KIAA1549L: variants seen among roughly 807,000 people sequenced by gnomAD.
KIAA1549L encodes UPF0606 protein KIAA1549L.
Under a neutral mutation model 160.7 loss-of-function variants are expected in KIAA1549L, and 88 were observed. That is an observed-to-expected ratio of 0.55 (90% CI 0.46 to 0.65). KIAA1549L has a LOEUF of 0.65. KIAA1549L is among the 30% of genes least tolerant of loss of function. The pLI, the probability that KIAA1549L is intolerant of heterozygous loss-of-function variation, is 0.00. For missense variants in KIAA1549L, 2,258 were observed against 2,437.5 expected (o/e 0.93, Z 1.55); for synonymous variants, 950 against 976.7 (o/e 0.97, Z 0.51).
rs145314970 is a variant in KIAA1549L, at chr11:33,518,539, T to C, written c.239-23263T>C. On this transcript the variant is annotated intron_variant, in intron 1 of 20. Coordinates refer to ENST00000658780, the MANE Select transcript of KIAA1549L (RefSeq NM_012194.3). Reference sequence around the variant, plus strand: ...ACTTTGTGTTCATCTGTTCTTTTAATTGCTTTTCAAGGAAAGTTGGCTCTG... The same window carrying C: ...ACTTTGTGTTCATCTGTTCTTTTAACTGCTTTTCAAGGAAAGTTGGCTCTG... 1.6e-3 allele frequency among the ~76,000 whole-genome samples: 240 copies of C among 152,340 alleles called. 1 individual carries two copies. Among genetic ancestry groups the C allele is most frequent in the African/African-American group, 5.4e-3 (224 of 41,590 alleles).
intron 1 of KIAA1549L, among the ~76,000 whole-genome samples, chr11:33,504,444 C>A (rs897492759): frequency 1.9e-4 from 29 of 151,860 alleles, no homozygotes; most frequent in East Asian, 1.5e-3. Flanking sequence ...CCCTTCCCTT[C>A]CCTTCCCTTC....
rs114187582 is a variant in KIAA1549L, at chr11:33,574,348, A to G, written c.4231-354A>G. ...TGGCAATTACAGACATTTGAATTTA[A>G]CAGTCGTGTTTGAGAATAACCTAAC... On this transcript the variant is annotated intron_variant, in intron 9 of 20. Transcript: ENST00000658780. Among the ~76,000 whole-genome samples the G allele has an allele frequency of 1.3e-3, 192 of 152,330 alleles. 2 individuals are homozygous for G. Among genetic ancestry groups the G allele is most frequent in the African/African-American group, 4.5e-3 (186 of 41,582 alleles).
At position 33,670,118 on chromosome 11, in the gene KIAA1549L, C is replaced by T. The variant is rs1852622361; in HGVS notation, c.*1964C>T. 6.6e-6 allele frequency: 1 copy of T among 152,198 alleles called. No individual in the cohort carries two copies. The highest frequency in any genetic ancestry group is 1.5e-5 in the Non-Finnish European group (1 of 68,046). 9.4% of individuals were successfully genotyped at this position (152,198 alleles called of 1,614,324 possible). A position where few individuals can be genotyped will look rare whatever the true frequency, so the allele number is the denominator to read the frequency against. ...GAATGAACAAAGAGCCAAAGAAACT[C>T]AGCCTGTTCATGCAAATGGTATGAG... On this transcript the variant is annotated 3_prime_UTR_variant, in exon 21 of 21. Transcript: ENST00000658780.
At chr11:33,578,903 T>C (rs936272237) in intron 10 of KIAA1549L, among the ~76,000 whole-genome samples, 2 of 152,206 alleles carry the variant, frequency 1.3e-5, no homozygotes, top group Admixed American at 6.5e-5. Context: ...TAAAAGCAAG[T>C]GCCGCATCTC....
At chr11:33,419,121 C>G (rs1466823649) in intron 1 of KIAA1549L, among the ~76,000 whole-genome samples, 2 of 152,172 alleles carry the variant, frequency 1.3e-5, no homozygotes, top group Non-Finnish European at 2.9e-5. Flanking sequence ...AATTCACCTG[C>G]CTCAGCTTCC....
chr11:33,515,226 CT>C (rs1209454035), intron 1 of KIAA1549L, among the ~76,000 whole-genome samples: 1 of 152,192 alleles, frequency 6.6e-6, no homozygotes. Context: ...ATATCTCTTT[CT>C]CTTCTTAAGA....
intron 9 of KIAA1549L, among the ~76,000 whole-genome samples, chr11:33,572,951 A>AGT (rs1355957526): frequency 6.6e-6 from 1 of 152,146 alleles, no homozygotes; most frequent in Non-Finnish European, 1.5e-5. Context: ...CTTCCTCATC[A>AGT]ACACTTGGTG....
At chr11:33,431,664 G>C (rs1167488097) in intron 1 of KIAA1549L, among the ~76,000 whole-genome samples, 1 of 152,210 alleles carries the variant, frequency 6.6e-6, no homozygotes, top group East Asian at 1.9e-4. Flanking sequence ...CCAGACTCAG[G>C]AGCCCAGCTG....
At chr11:33,599,325 C>G (rs539708497) in intron 13 of KIAA1549L, 1 of 156,244 alleles carries the variant, frequency 6.4e-6, no homozygotes, top group African/African-American at 2.4e-5. Context: ...TCCACTAAGG[C>G]AGCAGATCTC....
chr11:33,638,703 A>G (rs1306003264), intron 16 of KIAA1549L, among the ~76,000 whole-genome samples: 1 of 152,220 alleles, frequency 6.6e-6, no homozygotes, highest in Non-Finnish European at 1.5e-5. Flanking sequence ...TATATGTTTA[A>G]GAAATTGTAG....
intron 13 of KIAA1549L, among the ~76,000 whole-genome samples, chr11:33,600,016 A>G (rs1225574240): frequency 6.6e-6 from 1 of 152,146 alleles, no homozygotes; most frequent in Non-Finnish European, 1.5e-5. Context: ...TTCCGACTGA[A>G]AACGGTAAGA....
chr11:33,413,557 G>C (rs1290508619), intron 1 of KIAA1549L, among the ~76,000 whole-genome samples: 2 of 151,844 alleles, frequency 1.3e-5, no homozygotes, highest in African/African-American at 4.8e-5. Context: ...ACAATCCTAA[G>C]TTAGGATTGT....
Position 33,668,003 on chromosome 11 carries a change from C to T in KIAA1549L, c.6290C>T (p.Ser2097Phe). The change falls in exon 21 of 21, where the codon TCC (serine) becomes TTC (phenylalanine). Residue 2097 changes from serine to phenylalanine, a missense_variant. By Grantham distance (155) the Ser-to-Phe change is radical (BLOSUM62 -2). Around this residue, in one of 6 missense-constraint regions of KIAA1549L, gnomAD observed 1,359 missense variants for 1,546.6 expected, o/e 0.88. Coordinates refer to ENST00000658780, the MANE Select transcript of KIAA1549L (RefSeq NM_012194.3). ...HPSLEQAPAP[S>F]TAASQQSLAE... ...AGCCTGGAGCAGGCCCCGGCGCCCT[C>T]CACAGCGGCCTCGCAGCAGAGCCTG... 1 of 1,613,982 alleles carries T rather than the reference C, an allele frequency of 6.2e-7. No individual in the cohort carries two copies. The highest frequency in any genetic ancestry group is 2.2e-5 in the East Asian group (1 of 44,884).
intron 1 of KIAA1549L, among the ~76,000 whole-genome samples, chr11:33,400,420 G>T (rs766015213): frequency 1.3e-5 from 2 of 152,162 alleles, no homozygotes; most frequent in Non-Finnish European, 2.9e-5. Flanking sequence ...TGGACTGCTG[G>T]TGTCCCTAAT....
At chr11:33,404,963 G>A (rs1404135228) in intron 1 of KIAA1549L, among the ~76,000 whole-genome samples, 3 of 136,182 alleles carry the variant, frequency 2.2e-5, no homozygotes, top group Admixed American at 7.9e-5. Flanking sequence ...AGCCAAGATC[G>A]CACCACTGCA....
intron 16 of KIAA1549L, among the ~76,000 whole-genome samples, chr11:33,633,045 A>G (rs1358112161): frequency 2.0e-5 from 3 of 149,890 alleles, no homozygotes; most frequent in Non-Finnish European, 3.0e-5. Context: ...GTGTGGTCTC[A>G]GCTCACTGCA....
chr11:33,438,365 G>C (rs572545316), intron 1 of KIAA1549L, among the ~76,000 whole-genome samples: 2 of 152,330 alleles, frequency 1.3e-5, no homozygotes, highest in South Asian at 2.1e-4. Context: ...TTTGTGCCTA[G>C]AGTATAATAG....
At chr11:33,555,375 G>A (rs1352190752) in intron 6 of KIAA1549L, among the ~76,000 whole-genome samples, 2 of 152,180 alleles carry the variant, frequency 1.3e-5, no homozygotes, top group Non-Finnish European at 2.9e-5. Context: ...AAGGAAGAAC[G>A]AAGTTGGAGG....
chr11:33,583,400 G>C lies in KIAA1549L; in HGVS notation c.4465G>C (p.Val1489Leu). 6.2e-7 allele frequency: 1 copy of C among 1,603,932 alleles called. No individual in the cohort carries two copies. Among genetic ancestry groups the C allele is most frequent in the Admixed American group, 1.7e-5 (1 of 58,604 alleles). The part of the protein sequence containing the change: ...IIAAVLAPIA[V>L]VTVIIIIITA... Reference sequence around the variant, plus strand: ...CGCTGCAGTGCTGGCGCCCATTGCCGTGGTCACGGTCATCATCATCATCAT... The same window carrying C: ...CGCTGCAGTGCTGGCGCCCATTGCCCTGGTCACGGTCATCATCATCATCAT... Residue 1489 changes from valine to leucine, a missense_variant, in exon 11 of 21, where the codon GTG becomes CTG. By Grantham distance (32) the Val-to-Leu change is conservative. This residue lies in a region of KIAA1549L where 1,359 missense variants were observed against 1,546.6 expected (regional missense o/e 0.88). Transcript: ENST00000658780.
Sources: allele counts gnomAD v4.1 joint callset (sites outside exome capture counted in the v4.1 genomes callset), GRCh38; gene constraint gnomAD v4.1.1; regional missense constraint gnomAD v4.1.1; transcripts MANE v1.5; gene names NCBI Gene and HGNC (gene_info 2026-07-23, HGNC 2026-07-21).